Variants in GRIK3 observed in about 807,000 individuals in gnomAD.
The protein encoded by GRIK3 is glutamate receptor ionotropic, kainate 3.
In GRIK3, 29 loss-of-function variants were observed where a neutral mutation model predicts 102.5. That is an observed-to-expected ratio of 0.28 (90% CI 0.21 to 0.39). GRIK3 has a LOEUF of 0.39. GRIK3 is among the 10% of genes least tolerant of loss of function. The probability of loss-of-function intolerance (pLI) is 1.00; values close to 1 mark genes in which losing one functional copy is unlikely to be tolerated. For missense variants in GRIK3, 908 were observed against 1,252.4 expected, an observed-to-expected ratio of 0.73 and a Z score of 4.15; for synonymous variants, 511 against 504.9, an observed-to-expected ratio of 1.01 and a Z score of -0.16.
Position 36,890,935 on chromosome 1 carries a change from C to G in GRIK3, c.277G>C (p.Glu93Gln), listed in dbSNP as rs371290167. The G allele has an allele frequency of 5.6e-6, 9 of 1,610,506 alleles. 1 individual carries two copies. In the South Asian group the frequency reaches 1.0e-4, roughly 18 times the overall value. Residue 93 changes from glutamate to glutamine, a missense_variant, in exon 2 of 16, where the codon GAG (glutamate) becomes CAG (glutamine). Physicochemically the swap from Glu to Gln is conservative, Grantham distance 29 (BLOSUM62 2). Transcript: ENST00000373091. Reference sequence around the variant, plus strand: ...GCACACTCACCCTTTTTGGTCGCCTCGAAGCTGTCATGGAAGTGAATCCTC... The same window carrying G: ...GCACACTCACCCTTTTTGGTCGCCTGGAAGCTGTCATGGAAGTGAATCCTC... ...IQRIHFHDSF[E>Q]ATKKACDQLA...
At chr1:36,832,121 A>G (rs1450297860) in intron 10 of GRIK3, among the ~76,000 whole-genome samples, 3 of 152,130 alleles carry the variant, frequency 2.0e-5, no homozygotes, top group African/African-American at 7.2e-5. Flanking sequence ...TGTCACTCCC[A>G]GCACTGATCA....
chr1:36,997,087 T>C lies in GRIK3; in HGVS notation c.115+36907A>G, dbSNP rs188867292. On this transcript the variant is annotated intron_variant, in intron 1 of 15. Coordinates refer to ENST00000373091, the MANE Select transcript of GRIK3 (RefSeq NM_000831.4). ...GAAGAAGCCAATTCCATGTAGGGAA[T>C]TGGGACCCCAAGGGTTCAGGGAGCC... Among the ~76,000 whole-genome samples the C allele has an allele frequency of 5.1e-3, 782 of 152,160 alleles. 9 individuals are homozygous for C. The highest frequency in any genetic ancestry group is 0.018 in the African/African-American group (756 of 41,520).
chr1:36,883,856 C>G (rs946620793), intron 2 of GRIK3, among the ~76,000 whole-genome samples: 3 of 152,212 alleles, frequency 2.0e-5, no homozygotes, highest in Non-Finnish European at 4.4e-5. Flanking sequence ...TTCCTGTTGA[C>G]TCACATCCAC....
At chr1:36,876,767 A>G (rs1216826706) in intron 3 of GRIK3, among the ~76,000 whole-genome samples, 1 of 152,124 alleles carries the variant, frequency 6.6e-6, no homozygotes, top group African/African-American at 2.4e-5. Flanking sequence ...CCCACTATAC[A>G]TCATCAAAGT....
chr1:36,829,402 G>GT (rs1310209319), intron 10 of GRIK3, among the ~76,000 whole-genome samples: 3 of 149,864 alleles, frequency 2.0e-5, no homozygotes, highest in African/African-American at 2.5e-5. Context: ...GGTTTTTATT[G>GT]TTTTTTGTTT....
At chr1:36,911,893 C>T (rs1641349528) in intron 1 of GRIK3, among the ~76,000 whole-genome samples, 1 of 152,128 alleles carries the variant, frequency 6.6e-6, no homozygotes, top group South Asian at 2.1e-4. Flanking sequence ...CTCCCCCAGA[C>T]ACTGGCGGGG....
At chr1:36,823,023 T>C (rs1031861375) in intron 11 of GRIK3, among the ~76,000 whole-genome samples, 1 of 151,980 alleles carries the variant, frequency 6.6e-6, no homozygotes, top group African/African-American at 2.4e-5. Flanking sequence ...TGCCCCAGAG[T>C]GGACCTGGGG....
chr1:36,817,386 T>C (rs1230712128), intron 12 of GRIK3, 109 bp from the exon 13 acceptor site: 9 of 736,026 alleles, frequency 1.2e-5, no homozygotes, highest in Non-Finnish European at 1.9e-5. Context: ...TAAGGCCCTT[T>C]CCCAAGACCA....
chr1:36,840,689 T>A (rs1170926887), intron 10 of GRIK3, among the ~76,000 whole-genome samples: 2 of 152,070 alleles, frequency 1.3e-5, no homozygotes, highest in African/African-American at 4.8e-5. Context: ...ATGGCACCAC[T>A]GCACTCCACC....
intron 3 of GRIK3, among the ~76,000 whole-genome samples, chr1:36,876,960 A>G (rs1234882583): frequency 6.6e-6 from 1 of 152,242 alleles, no homozygotes; most frequent in Non-Finnish European, 1.5e-5. Context: ...AGGAAAGAGT[A>G]TAAGGATAAA....
chr1:37,029,785 T>G (rs1642801173), intron 1 of GRIK3, among the ~76,000 whole-genome samples: 1 of 152,154 alleles, frequency 6.6e-6, no homozygotes, highest in African/African-American at 2.4e-5. Context: ...GCAGCTTGCA[T>G]TTCTGGAGTG....
At chr1:36,960,265 G>A (rs1235266019) in intron 1 of GRIK3, among the ~76,000 whole-genome samples, 1 of 149,282 alleles carries the variant, frequency 6.7e-6, no homozygotes, top group African/African-American at 2.5e-5. Context: ...CTGTGACTCT[G>A]TGACCCGTGA....
intron 1 of GRIK3, among the ~76,000 whole-genome samples, chr1:36,927,842 G>T (rs1228837517): frequency 6.6e-6 from 1 of 152,086 alleles, no homozygotes; most frequent in Admixed American, 6.5e-5. Context: ...CGAGAGGCAG[G>T]GGGAGAGATA....
At chr1:36,808,812 C>A (rs532380858) in intron 13 of GRIK3, among the ~76,000 whole-genome samples, 1 of 152,242 alleles carries the variant, frequency 6.6e-6, no homozygotes, top group Admixed American at 6.5e-5. Context: ...AACTTATACA[C>A]CCTCTCAACC....
intron 7 of GRIK3, among the ~76,000 whole-genome samples, chr1:36,856,574 G>A (rs1557704158): frequency 1.3e-5 from 2 of 152,348 alleles, no homozygotes; most frequent in South Asian, 4.1e-4. Context: ...CTGGGGTCGG[G>A]CAGGCATCTG....
At chr1:37,031,450 G>GCTGAGCTATCCATCTGAAATT (rs1642827103) in intron 1 of GRIK3, among the ~76,000 whole-genome samples, 1 of 152,212 alleles carries the variant, frequency 6.6e-6, no homozygotes, top group African/African-American at 2.4e-5. Context: ...CCATCTCCTT[G>GCTGAGCTATCCATCTGAAATT]TCTAAGAGGA....
At chr1:36,957,503 CATGACTCT>C (rs1641931778) in intron 1 of GRIK3, among the ~76,000 whole-genome samples, 1 of 115,068 alleles carries the variant, frequency 8.7e-6, no homozygotes, top group Non-Finnish European at 1.9e-5. Flanking sequence ...CTGTGTGCCC[CATGACTCT>C]GTGCCCCATA....
intron 11 of GRIK3, among the ~76,000 whole-genome samples, chr1:36,823,065 G>A (rs1334306074): frequency 6.6e-6 from 1 of 152,168 alleles, no homozygotes; most frequent in African/African-American, 2.4e-5. Flanking sequence ...CCCATTTCTT[G>A]GAACTGTGGG....
At chr1:36,946,286 A>G (rs1265545194) in intron 1 of GRIK3, among the ~76,000 whole-genome samples, 2 of 152,204 alleles carry the variant, frequency 1.3e-5, no homozygotes, top group Non-Finnish European at 2.9e-5. Context: ...CCCTTGGTCT[A>G]TGTGAGCACA....
Sources: gnomAD v4.1 joint callset for allele counts (sites outside exome capture counted in the v4.1 genomes callset) on GRCh38, gnomAD v4.1.1 for gene constraint, MANE v1.5 for transcripts, NCBI Gene and HGNC (gene_info 2026-07-23, HGNC 2026-07-21) for gene names.